The following FHIT variants were observed in gnomAD, a reference collection of about 807,000 sequenced individuals.
The protein encoded by FHIT is fragile histidine triad diadenosine triphosphatase, also known as bis(5'-adenosyl)-triphosphatase.
In FHIT, 19 loss-of-function variants were observed where a neutral mutation model predicts 17.9. The ratio of observed to expected loss-of-function variants is 1.06; its 90% CI spans 0.74 to 1.56. FHIT has a LOEUF of 1.56. FHIT is among the 40% of genes most tolerant of loss of function. The probability of loss-of-function intolerance (pLI) is 0.00; values close to 1 mark genes in which losing one functional copy is unlikely to be tolerated. For missense variants in FHIT, 248 were observed against 189.2 expected (o/e 1.31, Z -1.82); for synonymous variants, 81 against 69.7 (o/e 1.16, Z -0.81).
chr3:60,003,738 C>T (rs1281212537), intron 7 of FHIT, among the ~76,000 whole-genome samples: 1 of 152,034 alleles, frequency 6.6e-6, no homozygotes, highest in Non-Finnish European at 1.5e-5. Context: ...AAGCGAGACT[C>T]TGTCTCAAAA....
intron 8 of FHIT, among the ~76,000 whole-genome samples, chr3:59,903,236 C>T (rs933350132): frequency 5.9e-5 from 9 of 152,038 alleles, no homozygotes; most frequent in Admixed American, 5.9e-4. Flanking sequence ...CCATAACAGG[C>T]AAATAGAGAC....
rs571335601 is a variant in FHIT at position 60,167,602 on chromosome 3, AC to A, written c.104-153451del. On this transcript the variant is annotated intron_variant, in intron 5 of 9. Coordinates refer to ENST00000492590, the MANE Select transcript of FHIT (RefSeq NM_002012.4). Reference sequence around the variant, plus strand: ...ATGCTTAGTGAATGATTAGAGGGCAACTATGTTCTGATATCTGTGAATGAAC... The same window carrying A: ...ATGCTTAGTGAATGATTAGAGGGCAATATGTTCTGATATCTGTGAATGAAC... 4.0e-3 allele frequency among the ~76,000 whole-genome samples: 611 copies of A among 152,312 alleles called. 14 individuals carry two copies. Among genetic ancestry groups the A allele is most frequent in the Non-Finnish European group, 2.4e-3 (166 of 68,022 alleles).
At chr3:60,145,802 T>C (rs145834121) in intron 5 of FHIT, among the ~76,000 whole-genome samples, 23 of 152,286 alleles carry the variant, frequency 1.5e-4, no homozygotes, top group Non-Finnish European at 3.2e-4. Context: ...TACCTAGTTT[T>C]TTCCCTCAAA....
At chr3:60,620,092 A>C (rs2039077132) in intron 4 of FHIT, among the ~76,000 whole-genome samples, 1 of 152,236 alleles carries the variant, frequency 6.6e-6, no homozygotes, top group African/African-American at 2.4e-5. Flanking sequence ...TTGCAAATTA[A>C]AACAATGATA....
At chr3:60,515,868 G>A (rs578070857) in intron 5 of FHIT, among the ~76,000 whole-genome samples, 4 of 152,330 alleles carry the variant, frequency 2.6e-5, no homozygotes, top group African/African-American at 4.8e-5. Context: ...GCTCTTGTAA[G>A]ACAACTGAGC....
intron 3 of FHIT, among the ~76,000 whole-genome samples, chr3:61,011,279 G>A (rs1365117932): frequency 1.3e-5 from 2 of 152,120 alleles, no homozygotes; most frequent in African/African-American, 2.4e-5. Flanking sequence ...AAACGTAGGT[G>A]CAAAAGACAT....
At chr3:61,189,677 C>A (rs1307440165) in intron 2 of FHIT, among the ~76,000 whole-genome samples, 1 of 151,978 alleles carries the variant, frequency 6.6e-6, no homozygotes, top group East Asian at 1.9e-4. Context: ...TACCTGACTT[C>A]AAACTATACT....
intron 4 of FHIT, among the ~76,000 whole-genome samples, chr3:60,797,478 GTAGTAGTAGTA>G (rs1701024494): frequency 6.6e-6 from 1 of 151,474 alleles, no homozygotes; most frequent in Non-Finnish European, 1.5e-5. Context: ...AGTAGTAGTA[GTAGTAGTAGTA>G]GTAGTAGTTA....
chr3:61,131,855 G>A (rs369709852), intron 2 of FHIT, among the ~76,000 whole-genome samples: 189 of 152,270 alleles, frequency 1.2e-3, no homozygotes, highest in African/African-American at 4.1e-3. Context: ...GTGTCAGAAC[G>A]GGATTAACAG....
intron 5 of FHIT, among the ~76,000 whole-genome samples, chr3:60,070,885 T>G (rs1576027562): frequency 6.6e-6 from 1 of 152,228 alleles, no homozygotes; most frequent in Admixed American, 6.5e-5. Context: ...TAAAATCCAC[T>G]TGAGTGCTGG....
intron 3 of FHIT, among the ~76,000 whole-genome samples, chr3:60,872,380 T>A (rs551666632): frequency 9.2e-5 from 14 of 152,268 alleles, no homozygotes; most frequent in South Asian, 8.3e-4. Context: ...AATACGTACT[T>A]TCTGTGAGAC....
At chr3:59,992,113 A>G (rs911078863) in intron 7 of FHIT, among the ~76,000 whole-genome samples, 2 of 151,926 alleles carry the variant, frequency 1.3e-5, no homozygotes, top group African/African-American at 2.4e-5. Flanking sequence ...AGAACTAAAC[A>G]GTATTGGATA....
chr3:61,023,317 C>T (rs945751395), intron 3 of FHIT, among the ~76,000 whole-genome samples: 1 of 152,116 alleles, frequency 6.6e-6, no homozygotes, highest in South Asian at 2.1e-4. Context: ...AGGAGAACTA[C>T]AAACCACTGC....
At chr3:61,172,628 T>C (rs1462360737) in intron 2 of FHIT, among the ~76,000 whole-genome samples, 3 of 152,174 alleles carry the variant, frequency 2.0e-5, no homozygotes, top group Non-Finnish European at 2.9e-5. Context: ...ACTAAGATAA[T>C]AAAGGAATCC....
intron 8 of FHIT, among the ~76,000 whole-genome samples, chr3:59,807,731 G>A (rs1380981487): frequency 2.6e-5 from 4 of 152,152 alleles, no homozygotes; most frequent in African/African-American, 7.2e-5. Flanking sequence ...ACAATTCTGG[G>A]ACACAGGGTG....
rs116633750 is a variant in FHIT, at chr3:61,176,400, C to T, written c.-164+24217G>A. Among the ~76,000 whole-genome samples, 568 of 152,306 alleles carry T rather than the reference C, an allele frequency of 3.7e-3. 5 individuals carry two copies. The highest frequency in any genetic ancestry group is 6.2e-3 in the Non-Finnish European group (425 of 68,024). On this transcript the variant is annotated intron_variant, in intron 2 of 9. Transcript: ENST00000492590. ...TGTGAGACACACAAAAAATTAAACACCTCAAGAAATACAGCTTTCTGGAAA... is the reference window on the plus strand; with the variant it reads ...TGTGAGACACACAAAAAATTAAACATCTCAAGAAATACAGCTTTCTGGAAA...
rs117891153 is a variant in FHIT, at chr3:60,506,321, C to T, written c.103+30539G>A. On this transcript the variant is annotated intron_variant, in intron 5 of 9. Coordinates refer to ENST00000492590, the MANE Select transcript of FHIT (RefSeq NM_002012.4). ...AGGATCTGTAGCAACAAGTATAAAG[C>T]TAATTTTGTAAACTGCAACTCCTGA... Among the ~76,000 whole-genome samples, 32 of 152,236 alleles carry T rather than the reference C, an allele frequency of 2.1e-4. No homozygotes were observed. The East Asian group carries it at 5.2e-3, about 25-fold the overall frequency.
intron 7 of FHIT, among the ~76,000 whole-genome samples, chr3:59,944,637 T>C (rs989788395): frequency 5.3e-5 from 8 of 152,134 alleles, no homozygotes; most frequent in African/African-American, 1.4e-4. Context: ...GTAACAGGCA[T>C]AGTACCCAAT....
chr3:61,063,563 G>C (rs901220962), intron 2 of FHIT, among the ~76,000 whole-genome samples: 5 of 152,170 alleles, frequency 3.3e-5, no homozygotes, highest in African/African-American at 1.2e-4. Flanking sequence ...GGGCCAGTCT[G>C]ACTGTAAGAC....
Sources: gnomAD v4.1 joint callset for allele counts (sites outside exome capture counted in the v4.1 genomes callset) on GRCh38, gnomAD v4.1.1 for gene constraint, MANE v1.5 for transcripts, NCBI Gene and HGNC (gene_info 2026-07-23, HGNC 2026-07-21) for gene names.